B4GALT1: variants seen among roughly 807,000 people sequenced by gnomAD.
The protein encoded by B4GALT1 is beta-1,4-galactosyltransferase 1.
In B4GALT1, 16 loss-of-function variants were observed where a neutral mutation model predicts 34.9. The observed-to-expected ratio is 0.46, with a 90% CI of 0.31 to 0.70. B4GALT1 has a LOEUF of 0.70. Ranked by LOEUF, B4GALT1 falls within the 30% of genes least tolerant of loss-of-function variation. The pLI, the probability that B4GALT1 is intolerant of heterozygous loss-of-function variation, is 0.05. For missense variants in B4GALT1, 445 were observed against 530.5 expected, an observed-to-expected ratio of 0.84 and a Z score of 1.58; for synonymous variants, 221 against 218.1, an observed-to-expected ratio of 1.01 and a Z score of -0.12.
At position 33,115,927 on chromosome 9, in the gene B4GALT1, A is replaced by G. The variant is rs1839931493; in HGVS notation, c.959+64T>C. The G allele has an allele frequency of 1.9e-6, 3 of 1,571,910 alleles. No individual in the cohort carries two copies. The East Asian group carries it at 7.0e-5, about 36-fold the overall frequency. ...GTCAGTCCTTGGGGAACAACCAAGC[A>G]TTGGTTAAAAAACTGGAAGTGAAGG... On this transcript the variant is annotated intron_variant, in intron 4 of 5. Transcript: ENST00000379731.
upstream of B4GALT1, among the ~76,000 whole-genome samples, chr9:33,171,334 C>A (rs1840838520): frequency 6.6e-6 from 1 of 152,166 alleles, no homozygotes; most frequent in South Asian, 2.1e-4. Context: ...GTCATGGGGC[C>A]TTCATTCTCC....
chr9:33,184,282 AC>A, the B4GALT1 span, among the ~76,000 whole-genome samples: 2 of 151,942 alleles, frequency 1.3e-5, no homozygotes, highest in South Asian at 2.1e-4. Flanking sequence ...ACACACACAC[AC>A]ACACAAAAAC....
chr9:33,169,450 T>C (rs1418228378), upstream of B4GALT1, among the ~76,000 whole-genome samples: 3 of 152,186 alleles, frequency 2.0e-5, no homozygotes, highest in Admixed American at 1.3e-4. Context: ...TGTCACCTTA[T>C]GACAGAGACC....
At chr9:33,115,402 C>T (rs1247022188) in intron 4 of B4GALT1, among the ~76,000 whole-genome samples, 1 of 152,180 alleles carries the variant, frequency 6.6e-6, no homozygotes, top group Non-Finnish European at 1.5e-5. Context: ...CTTTCAAATG[C>T]TACTGATAGA....
At chr9:33,165,823 G>A (rs543027856) in intron 1 of B4GALT1, among the ~76,000 whole-genome samples, 2 of 152,236 alleles carry the variant, frequency 1.3e-5, no homozygotes, top group Non-Finnish European at 2.9e-5. Flanking sequence ...TCAGCCAGCT[G>A]CTATGAGGAA....
chr9:33,155,398 C>G (rs1176795789), intron 1 of B4GALT1, among the ~76,000 whole-genome samples: 1 of 152,202 alleles, frequency 6.6e-6, no homozygotes, highest in Admixed American at 6.5e-5. Context: ...TAATGATATA[C>G]TTTCTCACCT....
downstream of B4GALT1, among the ~76,000 whole-genome samples, chr9:33,107,729 A>G (rs1587723253): frequency 1.3e-5 from 2 of 152,282 alleles, no homozygotes; most frequent in East Asian, 3.9e-4. Flanking sequence ...GGCTGAGCCT[A>G]GGAGCCTGTC....
At chr9:33,152,062 A>G (rs971549148) in intron 1 of B4GALT1, among the ~76,000 whole-genome samples, 1 of 152,174 alleles carries the variant, frequency 6.6e-6, no homozygotes, top group Non-Finnish European at 1.5e-5. Context: ...TCACGCCTGT[A>G]ACCCCAGCAC....
intron 1 of B4GALT1, among the ~76,000 whole-genome samples, chr9:33,158,134 C>T (rs928989206): frequency 2.0e-5 from 3 of 152,088 alleles, no homozygotes; most frequent in Non-Finnish European, 4.4e-5. Flanking sequence ...CCCCCCCACT[C>T]GCCAAACTGG....
At chr9:33,156,859 T>C (rs1038347064) in intron 1 of B4GALT1, among the ~76,000 whole-genome samples, 1 of 152,182 alleles carries the variant, frequency 6.6e-6, no homozygotes, top group Non-Finnish European at 1.5e-5. Context: ...CCCCATGCTA[T>C]AGGTTTAGCG....
At position 33,166,974 on chromosome 9, in the gene B4GALT1, T is replaced by C. The variant is rs1252951954; in HGVS notation, c.196A>G (p.Ser66Gly). The change falls in exon 1 of 6, where the codon AGT becomes GGT. Residue 66 changes from serine (S) to glycine (G), a missense_variant. Physicochemically the swap from Ser to Gly is moderately conservative, Grantham distance 56. Coordinates refer to ENST00000379731, the MANE Select transcript of B4GALT1 (RefSeq NM_001497.4). ...VSTPLQGGSN[S>G]AAAIGQSSGE... The stretch of plus-strand genomic sequence containing the variant: ...GAGGACTGCCCGATGGCGGCGGCAC[T>C]GTTCGAGCCGCCCTGCAGCGGTGTG... The C allele has an allele frequency of 1.3e-6, 2 of 1,583,970 alleles. No homozygotes were observed. The highest frequency in any genetic ancestry group is 2.7e-5 in the African/African-American group (2 of 74,680).
intron 2 of B4GALT1, among the ~76,000 whole-genome samples, chr9:33,130,260 C>A (rs1316389695): frequency 6.6e-6 from 1 of 152,136 alleles, no homozygotes; most frequent in Non-Finnish European, 1.5e-5. Flanking sequence ...CAGGTGGTGA[C>A]CTGCCCTCCC....
At chr9:33,150,585 G>A (rs1051975309) in intron 1 of B4GALT1, among the ~76,000 whole-genome samples, 3 of 152,176 alleles carry the variant, frequency 2.0e-5, no homozygotes, top group African/African-American at 7.2e-5. Flanking sequence ...GGGATTAAGG[G>A]TGGGAGGAGA....
intron 2 of B4GALT1, among the ~76,000 whole-genome samples, chr9:33,124,080 C>T (rs1407250288): frequency 1.3e-5 from 2 of 152,208 alleles, no homozygotes; most frequent in African/African-American, 2.4e-5. Flanking sequence ...GCCAGCAGAA[C>T]AGTGGAGGAG....
At chr9:33,137,280 A>G (rs1266316040) in intron 1 of B4GALT1, among the ~76,000 whole-genome samples, 2 of 151,690 alleles carry the variant, frequency 1.3e-5, no homozygotes, top group Non-Finnish European at 2.9e-5. Context: ...TGCCCTTCCC[A>G]CTCTCCTCTT....
chr9:33,129,866 T>G (rs1314065297), intron 2 of B4GALT1, among the ~76,000 whole-genome samples: 1 of 150,844 alleles, frequency 6.6e-6, no homozygotes, highest in Admixed American at 6.6e-5. Flanking sequence ...GGTGTCTGGG[T>G]GGAGATGGGG....
chr9:33,109,106 G>A (rs765141775), downstream of B4GALT1, among the ~76,000 whole-genome samples: 2 of 152,192 alleles, frequency 1.3e-5, no homozygotes, highest in Non-Finnish European at 2.9e-5. Context: ...GCCATGATGA[G>A]AAGGTTGGCA....
At chr9:33,155,670 G>A (rs554274110) in intron 1 of B4GALT1, among the ~76,000 whole-genome samples, 30 of 152,294 alleles carry the variant, frequency 2.0e-4, no homozygotes, top group Non-Finnish European at 1.0e-4. Context: ...CTGTCCCTAA[G>A]TTGTGGTCAG....
chr9:33,118,676 AT>A (rs1378720493), intron 3 of B4GALT1, among the ~76,000 whole-genome samples: 4 of 152,040 alleles, frequency 2.6e-5, no homozygotes, highest in African/African-American at 9.6e-5. Flanking sequence ...CTCAAAAAAA[AT>A]AAAAGAAAAA....
Sources: allele counts gnomAD v4.1 joint callset (sites outside exome capture counted in the v4.1 genomes callset), GRCh38; gene constraint gnomAD v4.1.1; transcripts MANE v1.5; gene names NCBI Gene and HGNC (gene_info 2026-07-23, HGNC 2026-07-21).